Variants in FGD3 observed in about 807,000 individuals in gnomAD.
FGD3 encodes FYVE, RhoGEF and PH domain-containing protein 3.
Under a neutral mutation model 71.8 loss-of-function variants are expected in FGD3, and 45 were observed. That is an observed-to-expected ratio of 0.63 (90% confidence interval 0.49 to 0.80). The LOEUF (loss-of-function observed/expected upper bound fraction) is 0.80. Ranked by LOEUF, FGD3 falls within the 30% of genes least tolerant of loss-of-function variation. The pLI is 0.00. For synonymous variants in FGD3, 378 were observed against 392.8 expected, an observed-to-expected ratio of 0.96 and a Z score of 0.44; for missense variants, 844 against 951.5, an observed-to-expected ratio of 0.89 and a Z score of 1.49.
chr9:93,022,212 C>T, intron 13 of FGD3, 115 bp from the exon 14 acceptor site: 1 of 1,017,368 alleles, frequency 9.8e-7, no homozygotes, highest in Non-Finnish European at 1.4e-6. Context: ...AATCCTGCTC[C>T]CGAGCCTGCC....
intron 15 of FGD3, among the ~76,000 whole-genome samples, chr9:93,031,672 G>GTGTT (rs1306755230): frequency 2.0e-5 from 3 of 152,186 alleles, no homozygotes; most frequent in African/African-American, 4.8e-5. Context: ...TATGAGCTCA[G>GTGTT]TGTTTGAGTG....
chr9:93,032,108 G>A (rs903480169), intron 15 of FGD3, among the ~76,000 whole-genome samples: 1 of 152,234 alleles, frequency 6.6e-6, no homozygotes, highest in African/African-American at 2.4e-5. Context: ...TCTGCCGATG[G>A]ACACGGGTTG....
At position 92,979,112 on chromosome 9, in the gene FGD3, C is replaced by A. The variant is rs373593264; in HGVS notation, c.453+2403C>A. 1.7e-4 allele frequency among the ~76,000 whole-genome samples: 26 copies of A among 151,822 alleles called. No individual in the cohort carries two copies. The East Asian group carries it at 5.0e-3, about 29-fold the overall frequency. ...GATGACTTTTCTTCCTTTTTCTCTC[C>A]TAATTGCTCTGGCTAGGACTTCCCA... On this transcript the variant is annotated intron_variant, in intron 3 of 17. Transcript: ENST00000375482.
At chr9:92,998,336 T>G (rs1319599018) in intron 3 of FGD3, among the ~76,000 whole-genome samples, 2 of 152,216 alleles carry the variant, frequency 1.3e-5, no homozygotes, top group African/African-American at 2.4e-5. Context: ...ATTTAAGGAC[T>G]TCTCTACACT....
At position 93,011,273 on chromosome 9, in the gene FGD3, G is replaced by C. The variant is rs754776226; in HGVS notation, c.1035+1G>C. 1.9e-6 allele frequency: 3 copies of C among 1,614,186 alleles called. No homozygotes were observed. On this transcript the variant is annotated splice_donor_variant, in intron 8 of 17. Coordinates refer to ENST00000375482, the MANE Select transcript of FGD3 (RefSeq NM_001083536.2). LOFTEE classifies it high-confidence loss of function. ...CTCCAATGCTGCCATTCGGAAAGTGGTGAGTGTGGGGCTCCAGTGGCGACC... is the reference window on the plus strand; with the variant it reads ...CTCCAATGCTGCCATTCGGAAAGTGCTGAGTGTGGGGCTCCAGTGGCGACC...
chr9:93,025,177 C>A (rs1862073061), intron 14 of FGD3, among the ~76,000 whole-genome samples: 1 of 152,200 alleles, frequency 6.6e-6, no homozygotes, highest in Non-Finnish European at 1.5e-5. Flanking sequence ...CTTCCCCTGG[C>A]CCAGGGTTCA....
chr9:93,025,900 C>G (rs1263725764), intron 14 of FGD3, among the ~76,000 whole-genome samples: 1 of 152,244 alleles, frequency 6.6e-6, no homozygotes, highest in Non-Finnish European at 1.5e-5. Context: ...AGGCCACGCC[C>G]TGTGTCCACC....
intron 3 of FGD3, among the ~76,000 whole-genome samples, chr9:92,999,280 G>T (rs962743917): frequency 8.5e-5 from 13 of 152,330 alleles, no homozygotes; most frequent in Admixed American, 5.9e-4. Context: ...GCCAGGCGAG[G>T]GATATAATCT....
chr9:93,035,026 G>A (rs1471888463), intron 17 of FGD3, among the ~76,000 whole-genome samples: 1 of 152,170 alleles, frequency 6.6e-6, no homozygotes, highest in Non-Finnish European at 1.5e-5. Flanking sequence ...TGTCACAGGG[G>A]CTGGCCTGTC....
chr9:92,953,878 G>A (rs1859003001), intron 1 of FGD3, among the ~76,000 whole-genome samples: 1 of 152,162 alleles, frequency 6.6e-6, no homozygotes, highest in African/African-American at 2.4e-5. Context: ...TCATTAGAGA[G>A]ATTTAGGACA....
At chr9:93,022,245 G>A in intron 13 of FGD3, 82 bp from the exon 14 acceptor site, 1 of 1,394,020 alleles carries the variant, frequency 7.2e-7, no homozygotes. Context: ...AGGTGCTGGG[G>A]GCTTCAGGAA....
chr9:93,004,185 G>C, intron 5 of FGD3, 48 bp downstream of exon 5: 2 of 1,606,678 alleles, frequency 1.2e-6, no homozygotes, highest in Non-Finnish European at 1.7e-6. Flanking sequence ...GTGTTCTCTA[G>C]ACCAGGGTTC....
chr9:92,971,202 C>T (rs986341051), intron 1 of FGD3, among the ~76,000 whole-genome samples: 2 of 152,026 alleles, frequency 1.3e-5, no homozygotes, highest in Non-Finnish European at 2.9e-5. Context: ...TGGGGGGTAC[C>T]GACAGGATCC....
chr9:93,034,667 C>G lies in FGD3; in HGVS notation c.1912C>G (p.Gln638Glu). The change falls in exon 17 of 18, where the codon CAG (glutamine) becomes GAG (glutamate). Residue 638 changes from glutamine to glutamate, a missense_variant. Transcript: ENST00000375482. ...PMSDPQVLHL[Q>E]GGSQDGRLPR... is the part of the protein sequence containing the mutation. ...GTCAGATCCCCAGGTGCTGCACCTG[C>G]AGGGAGGCAGCCAGGTACGTGTCCC... 6.2e-7 allele frequency: 1 copy of G among 1,612,932 alleles called. No homozygotes were observed. The highest frequency in any genetic ancestry group is 8.5e-7 in the Non-Finnish European group (1 of 1,179,640).
intron 3 of FGD3, among the ~76,000 whole-genome samples, chr9:92,988,056 G>A (rs569824457): frequency 1.3e-5 from 2 of 152,218 alleles, no homozygotes; most frequent in African/African-American, 2.4e-5. Context: ...GCTAAAATCC[G>A]GGTTCTTGTC....
chr9:93,006,168 C>A lies in FGD3; in HGVS notation c.825C>A (p.Val275=). Reference sequence around the variant, plus strand: ...GCTCCCCACTGTTTAAAGACGTCGTCCACAGCATCCAGGTAAGGCCGGCAG... The same window carrying A: ...GCTCCCCACTGTTTAAAGACGTCGTACACAGCATCCAGGTAAGGCCGGCAG... ...TQRSPLFKDV[V]HSIQKQEVCG... is the part of the protein sequence containing the mutation. Residue 275 remains valine, a synonymous_variant, in exon 6 of 18, where the codon GTC becomes GTA. Coordinates refer to ENST00000375482, the MANE Select transcript of FGD3 (RefSeq NM_001083536.2). 6.3e-7 allele frequency: 1 copy of A among 1,584,274 alleles called. No individual in the cohort carries two copies. The highest frequency in any genetic ancestry group is 8.6e-7 in the Non-Finnish European group (1 of 1,162,756).
Position 93,025,249 on chromosome 9 carries a change from G to T in FGD3, c.1557+2860G>T, listed in dbSNP as rs961524459. 3.3e-5 allele frequency among the ~76,000 whole-genome samples: 5 copies of T among 152,308 alleles called. No homozygotes were observed. The South Asian group carries it at 1.0e-3, about 32-fold the overall frequency. On this transcript the variant is annotated intron_variant, in intron 14 of 17. Coordinates refer to ENST00000375482, the MANE Select transcript of FGD3 (RefSeq NM_001083536.2). ...TACTCAGGGTCACAATTCCAGTTCT[G>T]GTCTCTTGTCTCTGTCCCTTACCCA...
chr9:93,004,856 G>C (rs1427035773), intron 5 of FGD3, among the ~76,000 whole-genome samples: 2 of 152,134 alleles, frequency 1.3e-5, no homozygotes, highest in Admixed American at 6.5e-5. Context: ...GAGGCCAGGG[G>C]GAGTCCCTTC....
intron 6 of FGD3, among the ~76,000 whole-genome samples, 183 bp from the exon 7 acceptor site, chr9:93,010,063 T>C (rs1387029260): frequency 1.3e-5 from 2 of 152,166 alleles, no homozygotes; most frequent in African/African-American, 4.8e-5. Context: ...CATTGGTCAG[T>C]CTCTCTGAGC....
Sources: allele counts gnomAD v4.1 joint callset (sites outside exome capture counted in the v4.1 genomes callset), GRCh38; gene constraint gnomAD v4.1.1; transcripts MANE v1.5; gene names NCBI Gene and HGNC (gene_info 2026-07-23, HGNC 2026-07-21).